Variants in MAN1A2 observed in about 807,000 individuals in gnomAD.
MAN1A2 encodes the protein mannosyl-oligosaccharide 1,2-alpha-mannosidase IB.
Under a neutral mutation model 75.7 loss-of-function variants are expected in MAN1A2, and 26 were observed. That is an observed-to-expected ratio of 0.34 (90% CI 0.25 to 0.48). The LOEUF (loss-of-function observed/expected upper bound fraction) is 0.48. MAN1A2 is among the 20% of genes least tolerant of loss of function. MAN1A2 has a pLI of 0.99. For missense variants in MAN1A2, 562 were observed against 775.5 expected (o/e 0.72, Z 3.27); for synonymous variants, 247 against 264.6 (o/e 0.93, Z 0.65).
intron 5 of MAN1A2, among the ~76,000 whole-genome samples, chr1:117,428,091 ATC>A (rs35953056): frequency 0.48 from 70,739 of 146,638 alleles, 17,105 homozygotes; most frequent in South Asian, 0.57. Flanking sequence ...TAAACTGTAA[ATC>A]TCTCTCTCTC....
intron 5 of MAN1A2, among the ~76,000 whole-genome samples, chr1:117,432,201 G>A (rs1380978422): frequency 6.6e-6 from 1 of 152,178 alleles, no homozygotes; most frequent in East Asian, 1.9e-4. Flanking sequence ...CCAATAGCAG[G>A]AGTAAATGGT....
intron 1 of MAN1A2, among the ~76,000 whole-genome samples, chr1:117,396,415 T>C (rs574899992): frequency 1.8e-4 from 28 of 152,306 alleles, no homozygotes; most frequent in Non-Finnish European, 3.8e-4. Flanking sequence ...AGGAATGATC[T>C]TTACAAATGA....
intron 6 of MAN1A2, among the ~76,000 whole-genome samples, chr1:117,450,173 G>A (rs958432682): frequency 3.3e-5 from 5 of 152,244 alleles, no homozygotes; most frequent in African/African-American, 1.2e-4. Flanking sequence ...CCAGGCTGAA[G>A]TGGTCTCAGA....
chr1:117,429,436 ACCCCCCCCACCT>A (rs1648502323), intron 5 of MAN1A2, among the ~76,000 whole-genome samples: 1 of 76,162 alleles, frequency 1.3e-5, no homozygotes, highest in Admixed American at 1.3e-4. Flanking sequence ...AGGGGGGCTG[ACCCCCCCCACCT>A]CCCTCCCGGA....
At chr1:117,383,588 G>A (rs138941069) in intron 1 of MAN1A2, among the ~76,000 whole-genome samples, 43 of 152,086 alleles carry the variant, frequency 2.8e-4, no homozygotes, top group African/African-American at 8.4e-4. Context: ...CTGGTTCTGG[G>A]CTTTTCTATT....
At chr1:117,454,663 A>G (rs565724387) in intron 6 of MAN1A2, among the ~76,000 whole-genome samples, 2 of 152,294 alleles carry the variant, frequency 1.3e-5, no homozygotes, top group East Asian at 3.9e-4. Flanking sequence ...TTACACAAAG[A>G]AGGGAAGGGC....
At chr1:117,495,846 A>T (rs1378162859) in intron 9 of MAN1A2, among the ~76,000 whole-genome samples, 2 of 151,942 alleles carry the variant, frequency 1.3e-5, no homozygotes, top group African/African-American at 4.8e-5. Context: ...ACAAAAACTT[A>T]TAATCCAAAG....
intron 5 of MAN1A2, among the ~76,000 whole-genome samples, chr1:117,430,961 A>T (rs1319784293): frequency 7.4e-6 from 1 of 135,466 alleles, no homozygotes; most frequent in East Asian, 2.3e-4. Context: ...CAATCCCGGC[A>T]CCTCGGGAGG....
In MAN1A2 at chr1:117,414,817, C is replaced by T. The variant is rs1647937456; in HGVS notation, c.760C>T (p.Leu254Phe). Residue 254 changes from leucine to phenylalanine, a missense_variant, in exon 4 of 13, where the codon CTT (leucine) becomes TTT (phenylalanine). Around this residue, in one of 2 missense-constraint regions of MAN1A2, gnomAD observed 434 missense variants for 645.7 expected, o/e 0.67. Coordinates refer to ENST00000356554, the MANE Select transcript of MAN1A2 (RefSeq NM_006699.5). The stretch of plus-strand genomic sequence containing the variant: ...TGGGCAAAGATGGATTGAAGACAAC[C>T]TTGATTTCAGTGTGGTGAGTGTATG... ...LDGQRWIEDN[L>F]DFSVNSEVSV... 6.3e-7 allele frequency: 1 copy of T among 1,592,828 alleles called. No individual in the cohort carries two copies. Among genetic ancestry groups the T allele is most frequent in the Non-Finnish European group, 8.6e-7 (1 of 1,161,486 alleles).
chr1:117,492,623 T>C (rs79944548), intron 8 of MAN1A2, among the ~76,000 whole-genome samples: 2,013 of 152,170 alleles, frequency 0.013, 45 homozygotes, highest in African/African-American at 0.045. Context: ...CAGCTACTTA[T>C]GTTATACAAG....
intron 3 of MAN1A2, among the ~76,000 whole-genome samples, chr1:117,406,656 G>A (rs191968053): frequency 1.6e-3 from 240 of 152,202 alleles, no homozygotes; most frequent in Admixed American, 4.5e-3. Flanking sequence ...GACTACTAGA[G>A]ACTTCATAAT....
At chr1:117,413,006 T>C (rs889371872) in intron 3 of MAN1A2, among the ~76,000 whole-genome samples, 1 of 151,914 alleles carries the variant, frequency 6.6e-6, no homozygotes, top group Non-Finnish European at 1.5e-5. Flanking sequence ...GTCTCAAGGA[T>C]TTAAAATAAG....
chr1:117,481,248 T>C (rs1371593133), intron 8 of MAN1A2, among the ~76,000 whole-genome samples: 1 of 151,854 alleles, frequency 6.6e-6, no homozygotes. Flanking sequence ...CTACTTCAAC[T>C]GTTTTTCAAT....
chr1:117,452,125 G>A (rs1342686216), intron 6 of MAN1A2, among the ~76,000 whole-genome samples: 1 of 151,934 alleles, frequency 6.6e-6, no homozygotes, highest in Non-Finnish European at 1.5e-5. Context: ...TAGCCAATGT[G>A]ATGAAACCCC....
intron 10 of MAN1A2, among the ~76,000 whole-genome samples, chr1:117,498,038 T>G (rs896386996): frequency 7.9e-5 from 12 of 151,938 alleles, no homozygotes; most frequent in Admixed American, 5.9e-4. Flanking sequence ...GCAAAATTGA[T>G]TCTTCAGTTC....
intron 3 of MAN1A2, among the ~76,000 whole-genome samples, chr1:117,406,509 G>GT (rs1486827375): frequency 6.6e-6 from 1 of 152,080 alleles, no homozygotes. Flanking sequence ...TTCTAATGCT[G>GT]TGAGTTTTCT....
chr1:117,493,085 CTTTA>C, intron 8 of MAN1A2, 58 bp from the exon 9 acceptor site: 1 of 876,592 alleles, frequency 1.1e-6, no homozygotes, highest in East Asian at 2.5e-5. Flanking sequence ...GAAAATGTTA[CTTTA>C]TTTGTCTTGT....
intron 1 of MAN1A2, among the ~76,000 whole-genome samples, chr1:117,389,679 T>C (rs1044092445): frequency 7.2e-5 from 11 of 152,190 alleles, no homozygotes; most frequent in African/African-American, 2.4e-4. Context: ...AACAAAGCAA[T>C]TTAAAGGTCT....
At chr1:117,410,900 A>G (rs1338511993) in intron 3 of MAN1A2, among the ~76,000 whole-genome samples, 3 of 151,836 alleles carry the variant, frequency 2.0e-5, no homozygotes, top group Non-Finnish European at 3.0e-5. Flanking sequence ...AATTTGACAA[A>G]ATATGTACAG....
Sources: allele counts gnomAD v4.1 joint callset (sites outside exome capture counted in the v4.1 genomes callset), GRCh38; gene constraint gnomAD v4.1.1; regional missense constraint gnomAD v4.1.1; transcripts MANE v1.5; gene names NCBI Gene and HGNC (gene_info 2026-07-23, HGNC 2026-07-21).